The following GALNT9 variants were observed in gnomAD, a reference collection of about 807,000 sequenced individuals.
GALNT9 encodes GalNAc transferase 9.
GALNT9 carries 47 observed loss-of-function variants against 63.1 expected under a neutral mutation model. That is an observed-to-expected ratio of 0.75 (90% confidence interval 0.59 to 0.95). GALNT9 has a LOEUF of 0.95. Among genes scored for constraint, GALNT9 ranks in the 40% least tolerant of loss-of-function variants. The probability of loss-of-function intolerance (pLI) is 0.00; values close to 1 mark genes in which losing one functional copy is unlikely to be tolerated. For missense variants in GALNT9, 829 were observed against 874.8 expected, an observed-to-expected ratio of 0.95 and a Z score of 0.66; for synonymous variants, 396 against 365.7, an observed-to-expected ratio of 1.08 and a Z score of -0.94.
intron 6 of GALNT9, among the ~76,000 whole-genome samples, chr12:132,226,709 A>G (rs1407398473): frequency 7.1e-6 from 1 of 140,792 alleles, no homozygotes; most frequent in East Asian, 2.2e-4. Flanking sequence ...CACACACTGT[A>G]CATACACACC....
At position 132,208,492 on chromosome 12, in the gene GALNT9, A is replaced by G. The variant is rs534994842; in HGVS notation, c.1078-4802T>C. Among the ~76,000 whole-genome samples the G allele has an allele frequency of 1.5e-4, 23 of 152,352 alleles. No individual in the cohort carries two copies. In the South Asian group the frequency reaches 4.8e-3, roughly 32 times the overall value. ...TGCTTGGACCAACAGAAAGGGCCAG[A>G]ACCCACCCAGTGCCAAGGCCAAGCT... On this transcript the variant is annotated intron_variant, in intron 6 of 10. Transcript: ENST00000328957.
At chr12:132,321,480 C>G (rs894222191) in intron 1 of GALNT9, among the ~76,000 whole-genome samples, 1 of 152,206 alleles carries the variant, frequency 6.6e-6, no homozygotes, top group Non-Finnish European at 1.5e-5. Context: ...CAAGAACCTT[C>G]TGGCATGGTC....
rs73473540 is a variant in GALNT9, at chr12:132,294,848, G to A, written c.239-8418C>T. Among the ~76,000 whole-genome samples the A allele has an allele frequency of 5.2e-3, 787 of 152,332 alleles. 11 individuals are homozygous for A. The highest frequency in any genetic ancestry group is 0.018 in the African/African-American group (757 of 41,570). ...GATTTTGCCTGTGCGGAAGGTTGCC[G>A]TGGGCGCCTCGCAGCAGGATTTCTG... is the stretch of plus-strand genomic sequence containing the variant. On this transcript the variant is annotated intron_variant, in intron 1 of 10. Coordinates refer to ENST00000328957, the MANE Select transcript of GALNT9 (RefSeq NM_001122636.2).
chr12:132,225,931 A>C (rs1183108385), intron 6 of GALNT9, among the ~76,000 whole-genome samples: 5 of 130,494 alleles, frequency 3.8e-5, no homozygotes, highest in African/African-American at 1.5e-4. Flanking sequence ...TATACAACCC[A>C]CACACACACC....
intron 2 of GALNT9, among the ~76,000 whole-genome samples, chr12:132,266,596 G>A (rs1555240226): frequency 6.6e-6 from 1 of 152,240 alleles, no homozygotes; most frequent in African/African-American, 2.4e-5. Context: ...AGAGGCAGGA[G>A]GGATCCTCCC....
intron 3 of GALNT9, among the ~76,000 whole-genome samples, chr12:132,261,612 C>G (rs1879390473): frequency 6.6e-6 from 1 of 152,234 alleles, no homozygotes; most frequent in Admixed American, 6.5e-5. Flanking sequence ...CCATTCAGTC[C>G]TCTGCACACA....
Position 132,282,209 on chromosome 12 carries a change from G to C in GALNT9, c.419+4041C>G, listed in dbSNP as rs1456482861. Among the ~76,000 whole-genome samples, 1 of 143,350 alleles carries C rather than the reference G, an allele frequency of 7.0e-6. No homozygotes were observed. Among genetic ancestry groups the C allele is most frequent in the Admixed American group, 7.1e-5 (1 of 14,170 alleles). 94.0% of individuals were successfully genotyped at this position (143,350 alleles called of 152,430 possible). A position where few individuals can be genotyped will look rare whatever the true frequency, so the allele number is the denominator to read the frequency against. ...GGGGGTCCCTGATCCCACAGAAGAG[G>C]AATCAGCTCCACTGCAGCAAGGCCA... is the stretch of plus-strand genomic sequence containing the variant. On this transcript the variant is annotated intron_variant, in intron 2 of 10. Coordinates refer to ENST00000328957, the MANE Select transcript of GALNT9 (RefSeq NM_001122636.2). This position sits in a 1 kb window ranked among gnomAD's most constrained non-coding sequence, Gnocchi z 4.5.
At chr12:132,235,401 A>C (rs1433472853) in intron 6 of GALNT9, among the ~76,000 whole-genome samples, 4 of 152,136 alleles carry the variant, frequency 2.6e-5, no homozygotes, top group Non-Finnish European at 4.4e-5. Flanking sequence ...CCAGGGTCCT[A>C]GAGGAGAGGT....
At chr12:132,303,404 C>G (rs1555244071) in intron 1 of GALNT9, among the ~76,000 whole-genome samples, 1 of 147,820 alleles carries the variant, frequency 6.8e-6, no homozygotes, top group Non-Finnish European at 1.5e-5. Context: ...CGCCCGGGCA[C>G]ACCCTCACCC....
Position 132,281,960 on chromosome 12 carries a change from T to TG in GALNT9, c.419+4289dup, listed in dbSNP as rs782499887. Reference sequence around the variant, plus strand: ...AGCTCCACTACAGCAAGCCCAGGCCTGGGGTCCCACATCCCACAGAGGAGG... The same window carrying TG: ...AGCTCCACTACAGCAAGCCCAGGCCTGGGGGTCCCACATCCCACAGAGGAGG... On this transcript the variant is annotated intron_variant, in intron 2 of 10. Transcript: ENST00000328957. 3.4e-4 allele frequency among the ~76,000 whole-genome samples: 40 copies of TG among 117,320 alleles called. 1 individual carries two copies. In the East Asian group the frequency reaches 5.1e-3, roughly 15 times the overall value. The allele number at this position is 117,320 out of a possible 152,430, so 77.0% of individuals were successfully genotyped here.
At chr12:132,324,368 G>C (rs1868939644) in intron 1 of GALNT9, among the ~76,000 whole-genome samples, 1 of 152,184 alleles carries the variant, frequency 6.6e-6, no homozygotes, top group African/African-American at 2.4e-5. Context: ...CTCCGACGGC[G>C]CTGTCTGTGA....
intron 6 of GALNT9, chr12:132,240,399 C>T (rs1255681087): frequency 5.7e-6 from 2 of 352,768 alleles, no homozygotes; most frequent in African/African-American, 4.3e-5. Context: ...TGAAAGGGAC[C>T]CTTTGGCTTC....
intron 6 of GALNT9, among the ~76,000 whole-genome samples, chr12:132,210,423 G>A (rs1876905648): frequency 1.3e-5 from 2 of 152,232 alleles, no homozygotes; most frequent in Admixed American, 1.3e-4. Flanking sequence ...GGCCTTCATC[G>A]TGAAACTGTC....
intron 6 of GALNT9, chr12:132,206,115 C>T (rs912829679): frequency 6.6e-6 from 1 of 152,444 alleles, no homozygotes; most frequent in Admixed American, 6.5e-5. Flanking sequence ...TCGGTCCCCC[C>T]ACCCACCACA....
chr12:132,299,164 TAAC>T (rs1881194673), intron 1 of GALNT9, among the ~76,000 whole-genome samples: 1 of 63,666 alleles, frequency 1.6e-5, no homozygotes, highest in African/African-American at 6.7e-5. Context: ...CCAACACACC[TAAC>T]CCACCCCTGA....
At chr12:132,202,679 G>A (rs368639473) in intron 7 of GALNT9, among the ~76,000 whole-genome samples, 14 of 152,002 alleles carry the variant, frequency 9.2e-5, no homozygotes, top group East Asian at 3.9e-4. Context: ...AGACAAGCCC[G>A]TTTCTAAGAT....
rs749112518 is a variant in GALNT9, at chr12:132,197,230, G to A, written c.1689C>T (p.Ala563=). 6.2e-7 allele frequency: 1 copy of A among 1,613,134 alleles called. No individual in the cohort carries two copies. The highest frequency in any genetic ancestry group is 1.1e-5 in the South Asian group (1 of 91,072). ...FTQSGPIVSR[A]TGRCLEVEMS... ...TCTCCACCTCCAGGCAGCGGCCCGTGGCCCGGCTCACAATGGGGCCACTCT... is the reference window on the plus strand; with the variant it reads ...TCTCCACCTCCAGGCAGCGGCCCGTAGCCCGGCTCACAATGGGGCCACTCT... The change falls in exon 11 of 11, where the codon GCC becomes GCT. Residue 563 remains alanine, a synonymous_variant. Coordinates refer to ENST00000328957, the MANE Select transcript of GALNT9 (RefSeq NM_001122636.2).
intron 7 of GALNT9, 66 bp from the exon 8 acceptor site, chr12:132,201,327 G>A: frequency 8.9e-7 from 1 of 1,119,224 alleles, no homozygotes; most frequent in South Asian, 1.3e-5. Context: ...TCCCCATAAT[G>A]AGGTTGGGGG....
intron 1 of GALNT9, among the ~76,000 whole-genome samples, chr12:132,309,533 TAAG>T (rs1881738655): frequency 6.6e-6 from 1 of 152,152 alleles, no homozygotes; most frequent in Non-Finnish European, 1.5e-5. Flanking sequence ...GTAAATCCAG[TAAG>T]AAGCATCCTG....
Sources: gnomAD v4.1 joint callset for allele counts (sites outside exome capture counted in the v4.1 genomes callset) on GRCh38, gnomAD v4.1.1 for gene constraint, Gnocchi (gnomAD v3.1) non-coding constraint, MANE v1.5 for transcripts, NCBI Gene and HGNC (gene_info 2026-07-23, HGNC 2026-07-21) for gene names.